The following SNTG1 variants were observed in gnomAD, a reference collection of about 807,000 sequenced individuals.
SNTG1 encodes syntrophin gamma 1, also known as gamma-1-syntrophin.
SNTG1 carries 39 observed loss-of-function variants against 74.7 expected under a neutral mutation model. The observed-to-expected ratio is 0.52, with a 90% confidence interval of 0.40 to 0.68. SNTG1 has a LOEUF of 0.68. SNTG1 is among the 30% of genes least tolerant of loss of function. SNTG1 has a pLI of 0.00. For missense variants in SNTG1, 685 were observed against 609.5 expected, an observed-to-expected ratio of 1.12 and a Z score of -1.30; for synonymous variants, 254 against 217.1, an observed-to-expected ratio of 1.17 and a Z score of -1.49.
intron 2 of SNTG1, among the ~76,000 whole-genome samples, chr8:50,354,161 C>A (rs772157947): frequency 6.6e-6 from 1 of 152,184 alleles, no homozygotes; most frequent in Non-Finnish European, 1.5e-5. Context: ...GATGGAAACC[C>A]CAGTTGTTCT....
In SNTG1 at chr8:50,542,971, A is replaced by G. The variant is rs183658563; in HGVS notation, c.680+6163A>G. On this transcript the variant is annotated intron_variant, in intron 11 of 18. Transcript: ENST00000642720. ...TTATTGAGTTGTTTGAGTGTCCTGT[A>G]TATTCTGTTCAGTAATTCTTTGTCA... 1.2e-4 allele frequency among the ~76,000 whole-genome samples: 18 copies of G among 152,288 alleles called. No individual in the cohort carries two copies. The East Asian group carries it at 3.3e-3, about 28-fold the overall frequency.
At chr8:49,982,693 T>C (rs1236684461) in intron 1 of SNTG1, among the ~76,000 whole-genome samples, 3 of 151,322 alleles carry the variant, frequency 2.0e-5, no homozygotes, top group Non-Finnish European at 4.4e-5. Flanking sequence ...CCAAGGATGC[T>C]ACCTTAACTT....
At chr8:50,737,493 G>T (rs1249644205) in intron 17 of SNTG1, among the ~76,000 whole-genome samples, 1 of 152,056 alleles carries the variant, frequency 6.6e-6, no homozygotes, top group Non-Finnish European at 1.5e-5. Context: ...AAGAGGATCT[G>T]GTACCACTCC....
chr8:50,747,187 A>G (rs1385095669), intron 17 of SNTG1, among the ~76,000 whole-genome samples: 2 of 152,096 alleles, frequency 1.3e-5, no homozygotes, highest in South Asian at 2.1e-4. Flanking sequence ...GAAAAGTAGT[A>G]TAATGCACTG....
Position 50,590,918 on chromosome 8 carries a change from G to A in SNTG1, c.849+1G>A. On this transcript the variant is annotated splice_donor_variant, in intron 13 of 18. Coordinates refer to ENST00000642720, the MANE Select transcript of SNTG1 (RefSeq NM_018967.5). LOFTEE classifies it high-confidence loss of function. ...CAGAAACTTTCCTGTAAACCAGCAG[G>A]TAAGATCAAAGCATACTTGGAAAGC... is the stretch of plus-strand genomic sequence containing the variant. 2 of 1,564,382 alleles carry A rather than the reference G, an allele frequency of 1.3e-6. No homozygotes were observed. The highest frequency in any genetic ancestry group is 1.4e-5 in the African/African-American group (1 of 72,844).
At chr8:50,303,709 G>A (rs116602630) in intron 2 of SNTG1, among the ~76,000 whole-genome samples, 10,548 of 151,860 alleles carry the variant, frequency 0.069, 413 homozygotes, top group African/African-American at 0.086. Flanking sequence ...TTTAAAAAAC[G>A]ATTTGTATGT....
At chr8:50,160,281 CTT>C (rs1563676572) in intron 1 of SNTG1, among the ~76,000 whole-genome samples, 1 of 152,152 alleles carries the variant, frequency 6.6e-6, no homozygotes, top group African/African-American at 2.4e-5. Context: ...AGCAAATTGA[CTT>C]TCAATAATAT....
intron 1 of SNTG1, among the ~76,000 whole-genome samples, chr8:50,076,146 C>G (rs1318427587): frequency 1.3e-5 from 2 of 152,120 alleles, no homozygotes; most frequent in Non-Finnish European, 2.9e-5. Flanking sequence ...TGGATAGAGC[C>G]TTAGAAATTT....
Position 50,142,265 on chromosome 8 carries a change from G to C in SNTG1, c.-102-30296G>C, listed in dbSNP as rs1425597634. ...TGGGAACACAAGAATGAATTCCTCTGTGTGTTTTCTACAGAAACCCAGACT... is the reference window on the plus strand; with the variant it reads ...TGGGAACACAAGAATGAATTCCTCTCTGTGTTTTCTACAGAAACCCAGACT... On this transcript the variant is annotated intron_variant, in intron 1 of 18. Coordinates refer to ENST00000642720, the MANE Select transcript of SNTG1 (RefSeq NM_018967.5). 2.6e-5 allele frequency among the ~76,000 whole-genome samples: 4 copies of C among 152,070 alleles called. No homozygotes were observed. In the East Asian group the frequency reaches 7.7e-4, roughly 29 times the overall value.
At chr8:50,010,536 G>GA (rs577593100) in intron 1 of SNTG1, among the ~76,000 whole-genome samples, 101 of 151,728 alleles carry the variant, frequency 6.7e-4, no homozygotes, top group African/African-American at 2.2e-3. Context: ...ACATATGGAT[G>GA]AAAAAAAATC....
At chr8:50,193,228 A>G (rs1254904760) in intron 2 of SNTG1, among the ~76,000 whole-genome samples, 5 of 152,018 alleles carry the variant, frequency 3.3e-5, no homozygotes, top group Non-Finnish European at 7.4e-5. Flanking sequence ...CAATTTGTAA[A>G]TTACTTTTGG....
At chr8:50,182,260 T>C (rs2083233119) in intron 2 of SNTG1, among the ~76,000 whole-genome samples, 1 of 152,168 alleles carries the variant, frequency 6.6e-6, no homozygotes, top group Admixed American at 6.6e-5. Flanking sequence ...GAATGCACCA[T>C]TCAGCTTTGA....
At chr8:50,436,762 C>T (rs2093307883) in intron 4 of SNTG1, among the ~76,000 whole-genome samples, 1 of 151,994 alleles carries the variant, frequency 6.6e-6, no homozygotes, top group Non-Finnish European at 1.5e-5. Context: ...TGCATTTCTC[C>T]TTTTCAATAA....
chr8:50,494,119 A>C (rs1197113792), intron 8 of SNTG1, among the ~76,000 whole-genome samples: 2 of 151,398 alleles, frequency 1.3e-5, no homozygotes, highest in African/African-American at 4.9e-5. Context: ...ATATGTATAT[A>C]TACACACACA....
chr8:50,041,181 C>T (rs1188440326), intron 1 of SNTG1, among the ~76,000 whole-genome samples: 1 of 152,148 alleles, frequency 6.6e-6, no homozygotes, highest in Non-Finnish European at 1.5e-5. Context: ...CAGGCGTGAG[C>T]CACCACACCT....
intron 15 of SNTG1, among the ~76,000 whole-genome samples, chr8:50,684,034 T>G (rs2131401604): frequency 6.6e-6 from 1 of 152,302 alleles, no homozygotes; most frequent in Admixed American, 6.5e-5. Flanking sequence ...ATACAAATTA[T>G]TAAAGATTAA....
At chr8:50,074,923 G>A (rs1254021551) in intron 1 of SNTG1, among the ~76,000 whole-genome samples, 1 of 152,186 alleles carries the variant, frequency 6.6e-6, no homozygotes, top group Non-Finnish European at 1.5e-5. Flanking sequence ...CGAGTTCGGG[G>A]TGGGCATCCT....
intron 1 of SNTG1, among the ~76,000 whole-genome samples, chr8:50,065,789 T>A (rs1820849343): frequency 6.6e-6 from 1 of 152,226 alleles, no homozygotes; most frequent in African/African-American, 2.4e-5. Flanking sequence ...GTACATTTGA[T>A]GAAGTATATA....
At position 50,558,845 on chromosome 8, in the gene SNTG1, A is replaced by G. The variant is rs144304545; in HGVS notation, c.810+5666A>G. On this transcript the variant is annotated intron_variant, in intron 12 of 18. Transcript: ENST00000642720. ...ATAAAGAAAATTCAACAAAATAAAGATTTACTAAAAGAAATATTCAGGGTA... is the reference window on the plus strand; with the variant it reads ...ATAAAGAAAATTCAACAAAATAAAGGTTTACTAAAAGAAATATTCAGGGTA... Among the ~76,000 whole-genome samples, 584 of 152,280 alleles carry G rather than the reference A, an allele frequency of 3.8e-3. 4 individuals carry two copies. Among genetic ancestry groups the G allele is most frequent in the African/African-American group, 0.013 (548 of 41,560 alleles).
Sources: allele counts gnomAD v4.1 joint callset (sites outside exome capture counted in the v4.1 genomes callset), GRCh38; gene constraint gnomAD v4.1.1; transcripts MANE v1.5; gene names NCBI Gene and HGNC (gene_info 2026-07-23, HGNC 2026-07-21).